The following SYNM variants were observed in gnomAD, a reference collection of about 807,000 sequenced individuals.
SYNM encodes synemin.
A neutral mutation model predicts 104.0 loss-of-function variants in SYNM; 95 were observed. The observed-to-expected ratio is 0.91, with a 90% CI of 0.77 to 1.08. The LOEUF (loss-of-function observed/expected upper bound fraction) is 1.08. Ranked by LOEUF, SYNM falls within the 50% of genes least tolerant of loss-of-function variation. SYNM has a pLI of 0.00. For missense variants in SYNM, 2,150 were observed against 2,052.2 expected, an observed-to-expected ratio of 1.05 and a Z score of -0.92; for synonymous variants, 918 against 869.0, an observed-to-expected ratio of 1.06 and a Z score of -0.99.
rs182315528 is a variant in SYNM, at chr15:99,109,013, C to G, written c.810+3004C>G. The stretch of plus-strand genomic sequence containing the variant: ...GTGTTCCATGTGCTTTAATGCCCCC[C>G]TCCCCTGGAGGCAGGAGCTGGAGGC... On this transcript the variant is annotated intron_variant, in intron 1 of 3. Coordinates refer to ENST00000336292, the MANE Select transcript of SYNM (RefSeq NM_145728.3). Among the ~76,000 whole-genome samples the G allele has an allele frequency of 8.5e-5, 13 of 152,322 alleles. No homozygotes were observed. The East Asian group carries it at 2.1e-3, about 25-fold the overall frequency.
At chr15:99,117,887 A>G (rs2067364429) in intron 2 of SYNM, among the ~76,000 whole-genome samples, 1 of 152,164 alleles carries the variant, frequency 6.6e-6, no homozygotes, top group Non-Finnish European at 1.5e-5. Flanking sequence ...TTGTCTGTCT[A>G]TGGCTGGCGT....
At chr15:99,106,578 C>G (rs534756823) in intron 1 of SYNM, among the ~76,000 whole-genome samples, 2 of 152,364 alleles carry the variant, frequency 1.3e-5, no homozygotes, top group South Asian at 4.1e-4. Context: ...TCATGCAGAA[C>G]AGAGCTTGAT....
Position 99,120,180 on chromosome 15 carries a change from C to T in SYNM, c.935+6465C>T, listed in dbSNP as rs1299487731. Reference sequence around the variant, plus strand: ...AGGCCTTCACCCAAGGCTGTTCCCTCCATGCCCTGTTGAACGTGGAATTAG... The same window carrying T: ...AGGCCTTCACCCAAGGCTGTTCCCTTCATGCCCTGTTGAACGTGGAATTAG... On this transcript the variant is annotated intron_variant, in intron 2 of 3. Transcript: ENST00000336292. 3.9e-5 allele frequency among the ~76,000 whole-genome samples: 6 copies of T among 152,214 alleles called. No homozygotes were observed. The East Asian group carries it at 1.2e-3, about 29-fold the overall frequency.
downstream of SYNM, chr15:99,139,637 CA>C (rs1472880858): frequency 1.3e-6 from 2 of 1,489,072 alleles, no homozygotes; most frequent in East Asian, 5.5e-5. Flanking sequence ...TATCTGTATG[CA>C]AAAAATAGAT....
chr15:99,139,912 C>G, downstream of SYNM: 1 of 403,346 alleles, frequency 2.5e-6, no homozygotes, highest in South Asian at 2.4e-5. Flanking sequence ...TGATTTCTCC[C>G]TTCTGCTTAC....
chr15:99,123,544 G>A (rs981475883), intron 2 of SYNM, among the ~76,000 whole-genome samples: 1 of 152,120 alleles, frequency 6.6e-6, no homozygotes, highest in East Asian at 1.9e-4. Context: ...GACCAGCCAC[G>A]GGCCCGCATC....
intron 2 of SYNM, among the ~76,000 whole-genome samples, chr15:99,123,345 T>C (rs1392103818): frequency 1.3e-5 from 2 of 150,138 alleles, no homozygotes. Context: ...TAGAGATGGC[T>C]CTGGGATGTG....
At chr15:99,141,201 T>C in the SYNM span, among the ~76,000 whole-genome samples, 9 of 152,224 alleles carry the variant, frequency 5.9e-5, no homozygotes, top group African/African-American at 1.7e-4. Flanking sequence ...TAAACTGTGA[T>C]ATGTATATAT....
Position 99,105,914 on chromosome 15 carries a change from C to T in SYNM, c.715C>T (p.Arg239Cys), listed in dbSNP as rs150690767. The T allele has an allele frequency of 3.9e-4, 596 of 1,531,696 alleles. 7 individuals are homozygous for T. In the East Asian group the frequency reaches 0.013, roughly 33 times the overall value. The allele number at this position is 1,531,696 out of a possible 1,614,324, so 94.9% of individuals were successfully genotyped here. The change falls in exon 1 of 4, where the codon CGC becomes TGC. Residue 239 changes from arginine to cysteine, a missense_variant. By Grantham distance (180) the Arg-to-Cys change is radical. Transcript: ENST00000336292. The stretch of plus-strand genomic sequence containing the variant: ...CGCGCAGGAGGCAGAGGCGCTGCGG[C>T]GCGAGGCGCTCGGGTTGGAGCAGCT... ...LCAQEAEALR[R>C]EALGLEQLRA...
chr15:99,139,660 A>G, downstream of SYNM: 1 of 1,432,592 alleles, frequency 7.0e-7, no homozygotes, highest in Non-Finnish European at 9.3e-7. Flanking sequence ...TAAAAGTAGT[A>G]TTTTTAAAAA....
At chr15:99,107,879 T>C (rs1307302393) in intron 1 of SYNM, among the ~76,000 whole-genome samples, 1 of 152,020 alleles carries the variant, frequency 6.6e-6, no homozygotes, top group Non-Finnish European at 1.5e-5. Flanking sequence ...TGGAATTTGC[T>C]GCTTTTTCCT....
Position 99,131,355 on chromosome 15 carries a change from C to G in SYNM, c.2995C>G (p.Leu999Val). 1 of 1,613,340 alleles carries G rather than the reference C, an allele frequency of 6.2e-7. No individual in the cohort carries two copies. The highest frequency in any genetic ancestry group is 8.5e-7 in the Non-Finnish European group (1 of 1,179,686). ...VQGAGGSSVT[L>V]VAEVNVSQTV... ...GGGTGCTGGTGGCAGTTCCGTGACC[C>G]TGGTTGCTGAAGTCAACGTCTCACA... The change falls in exon 4 of 4, where the codon CTG becomes GTG. Residue 999 changes from leucine (L) to valine (V), a missense_variant. Physicochemically the swap from Leu to Val is conservative, Grantham distance 32. Transcript: ENST00000336292. The surrounding 1 kb of genome is among the most constrained non-coding windows in gnomAD (Gnocchi z 4.3).
At chr15:99,118,200 A>G (rs1463241138) in intron 2 of SYNM, among the ~76,000 whole-genome samples, 1 of 152,236 alleles carries the variant, frequency 6.6e-6, no homozygotes, top group Non-Finnish European at 1.5e-5. Flanking sequence ...TGTATAAGCC[A>G]AAAACTTACC....
intron 2 of SYNM, among the ~76,000 whole-genome samples, chr15:99,125,449 C>T (rs1469700113): frequency 6.6e-6 from 1 of 152,254 alleles, no homozygotes; most frequent in Non-Finnish European, 1.5e-5. Context: ...ACTCGGGCCT[C>T]TGCACATGCC....
In SYNM at chr15:99,130,070, G is replaced by A; in HGVS notation, c.1710G>A (p.Lys570=). 1 of 1,614,018 alleles carries A rather than the reference G, an allele frequency of 6.2e-7. No individual in the cohort carries two copies. The highest frequency in any genetic ancestry group is 1.3e-5 in the African/African-American group (1 of 75,062). ...KAKEKDSPKE[K]SVREREVPIS... is the part of the protein sequence containing the mutation. ...AGGAGAAGGACTCACCGAAGGAGAA[G>A]AGCGTGCGAGAGAGAGAGGTGCCGA... Residue 570 remains lysine (K), a synonymous_variant, in exon 4 of 4, where the codon AAG becomes AAA. Coordinates refer to ENST00000336292, the MANE Select transcript of SYNM (RefSeq NM_145728.3).
At chr15:99,113,788 A>G (rs1031633873) in intron 2 of SYNM, 73 bp downstream of exon 2, 3 of 1,571,238 alleles carry the variant, frequency 1.9e-6, no homozygotes, top group African/African-American at 2.7e-5. Flanking sequence ...AAACTGGTCT[A>G]GGGACCGTAG....
At chr15:99,108,217 C>G (rs782818203) in intron 1 of SYNM, among the ~76,000 whole-genome samples, 35 of 152,242 alleles carry the variant, frequency 2.3e-4, no homozygotes, top group Non-Finnish European at 4.1e-4. Flanking sequence ...TCAAGTGATC[C>G]ACCGGCCGTG....
In SYNM at chr15:99,105,911, C is replaced by T. The variant is rs782720545; in HGVS notation, c.712C>T (p.Arg238Trp). ...GTGCGCGCAGGAGGCAGAGGCGCTGCGGCGCGAGGCGCTCGGGTTGGAGCA... is the reference window on the plus strand; with the variant it reads ...GTGCGCGCAGGAGGCAGAGGCGCTGTGGCGCGAGGCGCTCGGGTTGGAGCA... ...RLCAQEAEAL[R>W]REALGLEQLR... Residue 238 changes from arginine to tryptophan, a missense_variant, in exon 1 of 4, where the codon CGG becomes TGG. Arg to Trp is a moderately radical substitution (Grantham distance 101). Transcript: ENST00000336292. 1.3e-6 allele frequency: 2 copies of T among 1,532,022 alleles called. No homozygotes were observed. Among genetic ancestry groups the T allele is most frequent in the Non-Finnish European group, 1.7e-6 (2 of 1,144,210 alleles). 94.9% of individuals were successfully genotyped at this position (1,532,022 alleles called of 1,614,324 possible).
chr15:99,130,006 C>G lies in SYNM; in HGVS notation c.1646C>G (p.Ala549Gly). 6.2e-7 allele frequency: 1 copy of G among 1,612,856 alleles called. No individual in the cohort carries two copies. The highest frequency in any genetic ancestry group is 2.2e-5 in the East Asian group (1 of 44,862). ...GAATTGACAAAGTTAGATAAGGAAGCGAGACAGAGAGAAAGCCAGCAGATG... is the reference window on the plus strand; with the variant it reads ...GAATTGACAAAGTTAGATAAGGAAGGGAGACAGAGAGAAAGCCAGCAGATG... ...WEELTKLDKEARQRESQQMKE... is the reference protein window; with the variant it reads ...WEELTKLDKEGRQRESQQMKE... Residue 549 changes from alanine to glycine, a missense_variant, in exon 4 of 4, where the codon GCG (alanine) becomes GGG (glycine). Ala to Gly is a moderately conservative substitution (Grantham distance 60). Transcript: ENST00000336292.
Sources: gnomAD v4.1 joint callset for allele counts (sites outside exome capture counted in the v4.1 genomes callset) on GRCh38, gnomAD v4.1.1 for gene constraint, Gnocchi (gnomAD v3.1) non-coding constraint, MANE v1.5 for transcripts, NCBI Gene and HGNC (gene_info 2026-07-23, HGNC 2026-07-21) for gene names.